The following SVEP1 variants were observed in gnomAD, a reference collection of about 807,000 sequenced individuals.
SVEP1 encodes sushi, von Willebrand factor type A, EGF and pentraxin domain-containing protein 1.
In SVEP1, 164 loss-of-function variants were observed where a neutral mutation model predicts 367.3. The ratio of observed to expected loss-of-function variants is 0.45; its 90% confidence interval spans 0.39 to 0.51. The LOEUF (loss-of-function observed/expected upper bound fraction) is 0.51. Among genes scored for constraint, SVEP1 ranks in the 20% least tolerant of loss-of-function variants. SVEP1 has a pLI of 0.00. For missense variants in SVEP1, 4,117 were observed against 4,425.3 expected (o/e 0.93, Z 1.98); for synonymous variants, 1,666 against 1,611.6 (o/e 1.03, Z -0.81).
intron 44 of SVEP1, among the ~76,000 whole-genome samples, chr9:110,377,693 T>C (rs1373691416): frequency 6.6e-6 from 1 of 152,156 alleles, no homozygotes; most frequent in East Asian, 1.9e-4. Context: ...TCCCCTCACA[T>C]AGTTATTGTT....
Position 110,552,554 on chromosome 9 carries a change from C to T in SVEP1, c.532-2450G>A, listed in dbSNP as rs960257862. 3.6e-4 allele frequency among the ~76,000 whole-genome samples: 55 copies of T among 152,108 alleles called. 1 individual carries two copies. The highest frequency in any genetic ancestry group is 1.2e-4 in the Non-Finnish European group (8 of 68,006). On this transcript the variant is annotated intron_variant, in intron 1 of 47. Transcript: ENST00000374469. ...ATGTAGAATCAGTGGGAGCACTCAACTTGTTTTCCTGCAACTAGATGGTCC... is the reference window on the plus strand; with the variant it reads ...ATGTAGAATCAGTGGGAGCACTCAATTTGTTTTCCTGCAACTAGATGGTCC...
intron 18 of SVEP1, among the ~76,000 whole-genome samples, chr9:110,462,087 T>G (rs1828866353): frequency 6.6e-6 from 1 of 152,080 alleles, no homozygotes; most frequent in African/African-American, 2.4e-5. Context: ...TGAGTATGTA[T>G]GAAATGCTGA....
intron 21 of SVEP1, 42 bp from the exon 22 acceptor site, chr9:110,455,745 G>A (rs767804815): frequency 6.7e-7 from 1 of 1,488,650 alleles, no homozygotes; most frequent in Admixed American, 1.9e-5. Context: ...CCAAGGATGG[G>A]ATTAACCGAA....
intron 3 of SVEP1, among the ~76,000 whole-genome samples, chr9:110,536,922 T>G (rs920231148): frequency 6.6e-6 from 1 of 151,966 alleles, no homozygotes; most frequent in South Asian, 2.1e-4. Context: ...AACTAACAGA[T>G]AGTCATTTAA....
intron 9 of SVEP1, 45 bp from the exon 10 acceptor site, chr9:110,483,738 C>G: frequency 7.0e-7 from 1 of 1,435,944 alleles, no homozygotes; most frequent in Non-Finnish European, 9.4e-7. Context: ...CTGATATTCA[C>G]AAACGATGAG....
intron 24 of SVEP1, among the ~76,000 whole-genome samples, chr9:110,449,252 T>C (rs1828654167): frequency 6.6e-6 from 1 of 152,256 alleles, no homozygotes; most frequent in South Asian, 2.1e-4. Context: ...GCCCCTCAAA[T>C]ACTACTATTT....
chr9:110,465,428 T>C (rs1305885639), intron 18 of SVEP1, among the ~76,000 whole-genome samples: 1 of 152,226 alleles, frequency 6.6e-6, no homozygotes, highest in Non-Finnish European at 1.5e-5. Flanking sequence ...ATGTGCTGCC[T>C]GACTGAATAA....
intron 36 of SVEP1, among the ~76,000 whole-genome samples, chr9:110,412,226 T>C (rs906389092): frequency 6.6e-5 from 10 of 152,228 alleles, no homozygotes; most frequent in African/African-American, 2.4e-4. Context: ...TTGGCATTTG[T>C]CTTTATTGTT....
At chr9:110,435,507 C>T in intron 28 of SVEP1, 143 bp from the exon 29 acceptor site, 1 of 906,172 alleles carries the variant, frequency 1.1e-6, no homozygotes, top group Non-Finnish European at 1.7e-6. Flanking sequence ...TCAGGGGCAG[C>T]AGGAGATTCT....
chr9:110,458,901 G>C, intron 19 of SVEP1, 51 bp downstream of exon 19: 1 of 1,576,468 alleles, frequency 6.3e-7, no homozygotes, highest in Non-Finnish European at 8.7e-7. Context: ...CAGAGACAGG[G>C]AAAAGTAAAT....
chr9:110,431,703 A>G (rs2118556060), intron 32 of SVEP1, among the ~76,000 whole-genome samples: 1 of 152,286 alleles, frequency 6.6e-6, no homozygotes, highest in South Asian at 2.1e-4. Context: ...TTTGTTTCTG[A>G]GAAATTGGGA....
At chr9:110,547,851 A>G (rs1830239363) in intron 2 of SVEP1, among the ~76,000 whole-genome samples, 1 of 152,206 alleles carries the variant, frequency 6.6e-6, no homozygotes, top group Admixed American at 6.5e-5. Flanking sequence ...ACAGGGTTTT[A>G]CTTACTAAAC....
intron 47 of SVEP1, among the ~76,000 whole-genome samples, chr9:110,366,807 TTCTA>T (rs535630121): frequency 1.3e-5 from 2 of 152,220 alleles, no homozygotes; most frequent in Non-Finnish European, 2.9e-5. Flanking sequence ...GCCACTAGTT[TTCTA>T]TCTATCTTAC....
intron 18 of SVEP1, among the ~76,000 whole-genome samples, chr9:110,459,317 T>C (rs1183560566): frequency 6.6e-6 from 1 of 152,206 alleles, no homozygotes; most frequent in Non-Finnish European, 1.5e-5. Flanking sequence ...GTTAACTTAA[T>C]AAAGTTTAGA....
At position 110,408,442 on chromosome 9, in the gene SVEP1, T is replaced by A. The variant is rs759666686; in HGVS notation, c.7158A>T (p.Leu2386=). The part of the protein sequence containing the change: ...CKIVLCTPPP[L]ISFGVPIPSS... Reference sequence around the variant, plus strand: ...AAGGAATGGGGACACCAAAGGAAATTAGGGGAGGTGGGGTACAAAGAACAA... The same window carrying A: ...AAGGAATGGGGACACCAAAGGAAATAAGGGGAGGTGGGGTACAAAGAACAA... The change falls in exon 38 of 48, where the codon CTA becomes CTT. Residue 2386 remains leucine (L), a synonymous_variant. Transcript: ENST00000374469. The A allele has an allele frequency of 6.2e-7, 1 of 1,613,788 alleles. No homozygotes were observed. The highest frequency in any genetic ancestry group is 2.2e-5 in the East Asian group (1 of 44,880).
chr9:110,375,607 G>T, intron 45 of SVEP1, 144 bp from the exon 46 acceptor site: 1 of 665,750 alleles, frequency 1.5e-6, no homozygotes, highest in African/African-American at 1.8e-5. Context: ...TAAGTTTCCT[G>T]CATGTGTTCT....
intron 44 of SVEP1, among the ~76,000 whole-genome samples, chr9:110,377,588 C>G (rs1362425944): frequency 6.6e-6 from 1 of 152,084 alleles, no homozygotes; most frequent in African/African-American, 2.4e-5. Flanking sequence ...TGAGGTGCAA[C>G]AAATAAAAAT....
chr9:110,469,436 G>C (rs1205333140), intron 16 of SVEP1, among the ~76,000 whole-genome samples: 1 of 151,798 alleles, frequency 6.6e-6, no homozygotes, highest in Non-Finnish European at 1.5e-5. Context: ...AGCTGATGGA[G>C]AAAAAAGGAA....
At chr9:110,400,657 G>A (rs773739863) in intron 40 of SVEP1, among the ~76,000 whole-genome samples, 197 bp downstream of exon 40, 11 of 152,080 alleles carry the variant, frequency 7.2e-5, no homozygotes, top group East Asian at 1.9e-4. Flanking sequence ...ATGAGCCACC[G>A]CACCCAGTTT....
Sources: allele counts gnomAD v4.1 joint callset (sites outside exome capture counted in the v4.1 genomes callset), GRCh38; gene constraint gnomAD v4.1.1; transcripts MANE v1.5; gene names NCBI Gene and HGNC (gene_info 2026-07-23, HGNC 2026-07-21).